Variants in DHX34 observed in about 807,000 individuals in gnomAD.
DHX34 encodes the protein probable ATP-dependent RNA helicase DHX34.
Under a neutral mutation model 111.1 loss-of-function variants are expected in DHX34, and 96 were observed. That is an observed-to-expected ratio of 0.86 (90% CI 0.73 to 1.02). The LOEUF (loss-of-function observed/expected upper bound fraction) is 1.02, where lower values mean the gene tolerates loss of function less well. Among genes scored for constraint, DHX34 ranks in the 50% least tolerant of loss-of-function variants. DHX34 has a pLI of 0.00. For missense variants in DHX34, 1,560 were observed against 1,579.9 expected (o/e 0.99, Z 0.21); for synonymous variants, 688 against 670.4 (o/e 1.03, Z -0.41).
chr19:47,352,014 T>C (rs1321531084), intron 1 of DHX34, among the ~76,000 whole-genome samples: 1 of 152,198 alleles, frequency 6.6e-6, no homozygotes, highest in Admixed American at 6.5e-5. Flanking sequence ...GGACCCCGGG[T>C]GAAGAACCCT....
intron 3 of DHX34, among the ~76,000 whole-genome samples, chr19:47,355,811 C>T (rs973061683): frequency 1.3e-5 from 2 of 151,526 alleles, no homozygotes; most frequent in African/African-American, 4.9e-5. Flanking sequence ...GAGATCGCGC[C>T]ACTGCACTCC....
At chr19:47,355,373 A>G in intron 3 of DHX34, 23 bp downstream of exon 3, 2 of 1,601,654 alleles carry the variant, frequency 1.2e-6, no homozygotes, top group South Asian at 1.1e-5. Flanking sequence ...CCCTCCTCCC[A>G]CATCCCCAGA....
intron 8 of DHX34, chr19:47,373,359 A>G: frequency 1.9e-6 from 1 of 531,112 alleles, no homozygotes; most frequent in Non-Finnish European, 2.4e-6. Context: ...GACAGTGACA[A>G]CCCAGAGAGG....
Position 47,362,512 on chromosome 19 carries a change from A to G in DHX34, c.1412A>G (p.Lys471Arg). The G allele has an allele frequency of 6.2e-7, 1 of 1,604,348 alleles. No homozygotes were observed. Among genetic ancestry groups the G allele is most frequent in the Non-Finnish European group, 8.5e-7 (1 of 1,174,072 alleles). The change falls in exon 6 of 17, where the codon AAG (lysine) becomes AGG (arginine). Residue 471 changes from lysine to arginine, a missense_variant. Transcript: ENST00000328771. ...VKEMSYDPQA[K>R]LQRLQEFWIS... is the part of the protein sequence containing the mutation. ...GAGATGAGCTACGATCCGCAGGCCA[A>G]GCTGCAACGGCTGCAGGAGTTCTGG... is the stretch of plus-strand genomic sequence containing the variant.
chr19:47,356,782 C>T (rs921560518), intron 3 of DHX34, among the ~76,000 whole-genome samples: 3 of 151,956 alleles, frequency 2.0e-5, no homozygotes, highest in Non-Finnish European at 2.9e-5. Flanking sequence ...GGTAAAACCC[C>T]GTCTCTACTA....
rs1970105234 is a variant in DHX34, at chr19:47,375,400, AT to A, written c.2065-63del. On this transcript the variant is annotated intron_variant, in intron 9 of 16. Coordinates refer to ENST00000328771, the MANE Select transcript of DHX34 (RefSeq NM_014681.6). ...CAGCCCTGCCACTGGGAGGGTCCCCATTTCCATGAGTCCAGAGCCCACTGAG... is the reference window on the plus strand; with the variant it reads ...CAGCCCTGCCACTGGGAGGGTCCCCATTCCATGAGTCCAGAGCCCACTGAG... The A allele has an allele frequency of 4.7e-6, 7 of 1,475,428 alleles. No individual in the cohort carries two copies. The East Asian group carries it at 1.7e-4, about 36-fold the overall frequency. The allele number at this position is 1,475,428 out of a possible 1,614,324, so 91.4% of individuals were successfully genotyped here.
intron 6 of DHX34, among the ~76,000 whole-genome samples, chr19:47,364,894 G>A (rs1599762107): frequency 1.3e-5 from 2 of 152,128 alleles, no homozygotes; most frequent in Non-Finnish European, 2.9e-5. Context: ...AGCCTGCTTC[G>A]TGAGTGGCCG....
At chr19:47,376,186 GAAAC>G in intron 11 of DHX34, 89 bp downstream of exon 11, 1 of 1,497,206 alleles carries the variant, frequency 6.7e-7, no homozygotes, top group Non-Finnish European at 8.9e-7. Flanking sequence ...AGTGGTGACT[GAAAC>G]AACCCTGGTT....
intron 7 of DHX34, among the ~76,000 whole-genome samples, chr19:47,370,365 C>A (rs1342867404): frequency 6.6e-6 from 1 of 152,236 alleles, no homozygotes; most frequent in Non-Finnish European, 1.5e-5. Context: ...GTCCCCAGCT[C>A]TGCCCCGCAC....
At chr19:47,364,435 T>TA (rs959714837) in intron 6 of DHX34, among the ~76,000 whole-genome samples, 54 of 148,168 alleles carry the variant, frequency 3.6e-4, no homozygotes, top group African/African-American at 8.6e-4. Context: ...TTTCATCTTT[T>TA]AAAAAAAAAA....
chr19:47,351,171 CTTTTTT>C (rs955543104), intron 1 of DHX34, among the ~76,000 whole-genome samples: 21 of 93,096 alleles, frequency 2.3e-4, no homozygotes, highest in African/African-American at 6.2e-4. Context: ...TTTTCTTTTT[CTTTTTT>C]TTTTTTTTTT....
Position 47,360,008 on chromosome 19 carries a change from T to C in DHX34, c.1313T>C (p.Leu438Pro). The change falls in exon 5 of 17, where the codon CTC becomes CCC. Residue 438 changes from leucine (L) to proline (P), a missense_variant. By Grantham distance (98) the Leu-to-Pro change is moderately conservative. Coordinates refer to ENST00000328771, the MANE Select transcript of DHX34 (RefSeq NM_014681.6). Reference sequence around the variant, plus strand: ...CCCCCTGGAGTCCGGAAATGCATCCTCTCCACCAACATTGCTGAGACCTCA... The same window carrying C: ...CCCCCTGGAGTCCGGAAATGCATCCCCTCCACCAACATTGCTGAGACCTCA... ...VAPPGVRKCI[L>P]STNIAETSVT... The C allele has an allele frequency of 1.2e-6, 2 of 1,614,002 alleles. No homozygotes were observed. Among genetic ancestry groups the C allele is most frequent in the Non-Finnish European group, 1.7e-6 (2 of 1,179,974 alleles).
intron 4 of DHX34, among the ~76,000 whole-genome samples, chr19:47,358,456 GTT>G (rs34363653): frequency 5.6e-5 from 8 of 143,326 alleles, no homozygotes; most frequent in Non-Finnish European, 6.1e-5. Flanking sequence ...TTCCAAAACA[GTT>G]TTTTTTTTTT....
chr19:47,380,960 G>A lies in DHX34; in HGVS notation c.3127G>A (p.Val1043Ile). ...SPHPTKGGYA[V>I]TDFLTYNCLT... ...CCACCCCACAAAGGGGGGCTACGCA[G>A]TCACTGACTTCCTCACCTACAACTG... The change falls in exon 15 of 17, where the codon GTC (valine) becomes ATC (isoleucine). Residue 1043 changes from valine to isoleucine, a missense_variant. By Grantham distance (29) the Val-to-Ile change is conservative. Transcript: ENST00000328771. The A allele has an allele frequency of 6.3e-7, 1 of 1,596,112 alleles. No individual in the cohort carries two copies. Among genetic ancestry groups the A allele is most frequent in the South Asian group, 1.1e-5 (1 of 88,672 alleles).
chr19:47,362,503 C>T lies in DHX34; in HGVS notation c.1403C>T (p.Pro468Leu), dbSNP rs369444024. The change falls in exon 6 of 17, where the codon CCG (proline) becomes CTG (leucine). Residue 468 changes from proline to leucine, a missense_variant. Physicochemically the swap from Pro to Leu is moderately conservative, Grantham distance 98. Transcript: ENST00000328771. The stretch of plus-strand genomic sequence containing the variant: ...AAGGTGAAGGAGATGAGCTACGATC[C>T]GCAGGCCAAGCTGCAACGGCTGCAG... ...SGKVKEMSYD[P>L]QAKLQRLQEF... is the part of the protein sequence containing the mutation. 7.1e-5 allele frequency: 113 copies of T among 1,600,494 alleles called. No individual in the cohort carries two copies. Among genetic ancestry groups the T allele is most frequent in the South Asian group, 2.1e-4 (19 of 90,112 alleles).
At position 47,371,959 on chromosome 19, in the gene DHX34, C is replaced by G. The variant is rs565230286; in HGVS notation, c.1769-771C>G. Among the ~76,000 whole-genome samples the G allele has an allele frequency of 7.9e-5, 12 of 151,680 alleles. No homozygotes were observed. In the South Asian group the frequency reaches 1.7e-3, roughly 21 times the overall value. On this transcript the variant is annotated intron_variant, in intron 7 of 16. Coordinates refer to ENST00000328771, the MANE Select transcript of DHX34 (RefSeq NM_014681.6). ...CTGGACAGGTGGGCAAGGGAGCCCCCAGAAGTCCAGCGTCAGCTCGGGCGC... is the reference window on the plus strand; with the variant it reads ...CTGGACAGGTGGGCAAGGGAGCCCCGAGAAGTCCAGCGTCAGCTCGGGCGC...
rs774037037 is a variant in DHX34 at position 47,357,826 on chromosome 19, G to A, written c.1018-40G>A. The A allele has an allele frequency of 2.0e-5, 32 of 1,590,854 alleles. No homozygotes were observed. In the South Asian group the frequency reaches 3.2e-4, roughly 16 times the overall value. ...CCCCAGCCCATTGCTCTGAGCTGGA[G>A]GGACAGGGTGTGCTTCTACCTGGGG... is the stretch of plus-strand genomic sequence containing the variant. On this transcript the variant is annotated intron_variant, in intron 3 of 16. Transcript: ENST00000328771.
intron 8 of DHX34, 47 bp from the exon 9 acceptor site, chr19:47,373,552 C>G (rs975470944): frequency 6.3e-7 from 1 of 1,592,140 alleles, no homozygotes; most frequent in Admixed American, 1.8e-5. Context: ...CCCTCCCTCC[C>G]CGCACTGGCC....
chr19:47,369,308 A>G (rs915496382), intron 7 of DHX34, among the ~76,000 whole-genome samples: 11 of 152,054 alleles, frequency 7.2e-5, no homozygotes, highest in Admixed American at 6.6e-4. Flanking sequence ...CGCCCGGCCA[A>G]TATTTGTTTT....
Sources: allele counts gnomAD v4.1 joint callset (sites outside exome capture counted in the v4.1 genomes callset), GRCh38; gene constraint gnomAD v4.1.1; transcripts MANE v1.5; gene names NCBI Gene and HGNC (gene_info 2026-07-23, HGNC 2026-07-21).